The following DCBLD1 variants were observed in gnomAD, a reference collection of about 807,000 sequenced individuals.
DCBLD1 encodes the protein discoidin, CUB and LCCL domain-containing protein 1.
A neutral mutation model predicts 71.5 loss-of-function variants in DCBLD1; 57 were observed. The ratio of observed to expected loss-of-function variants is 0.80; its 90% CI spans 0.64 to 0.99. DCBLD1 has a LOEUF of 0.99. Among genes scored for constraint, DCBLD1 ranks in the 50% least tolerant of loss-of-function variants. The probability of loss-of-function intolerance (pLI) is 0.00; values close to 1 mark genes in which losing one functional copy is unlikely to be tolerated. For synonymous variants in DCBLD1, 380 were observed against 363.8 expected, an observed-to-expected ratio of 1.04 and a Z score of -0.51; for missense variants, 891 against 923.5, an observed-to-expected ratio of 0.96 and a Z score of 0.46.
At chr6:117,515,877 G>A (rs896737105) in intron 2 of DCBLD1, among the ~76,000 whole-genome samples, 25 of 152,224 alleles carry the variant, frequency 1.6e-4, no homozygotes, top group African/African-American at 5.3e-4. Context: ...CAAACTGTTT[G>A]TGGGAGGCTG....
intron 1 of DCBLD1, among the ~76,000 whole-genome samples, chr6:117,500,168 C>T (rs1373296741): frequency 6.6e-6 from 1 of 152,232 alleles, no homozygotes; most frequent in African/African-American, 2.4e-5. Context: ...ATCACCCAAA[C>T]TGTGGAAGCA....
Position 117,540,724 on chromosome 6 carries a change from C to A in DCBLD1, c.1158C>A (p.Pro386=), listed in dbSNP as rs753775682. The A allele has an allele frequency of 8.1e-6, 13 of 1,614,090 alleles. No individual in the cohort carries two copies. The Admixed American group carries it at 2.0e-4, about 25-fold the overall frequency. Residue 386 remains proline (P), a synonymous_variant, in exon 10 of 15, where the codon CCC becomes CCA. Transcript: ENST00000338728. ...CAGTGCAAAACAATTTCATCCCTCC[C>A]ATCGTGGCCAGATATGTGCGGGTTG... The part of the protein sequence containing the change: ...RDPVQNNFIP[P]IVARYVRVVP...
At chr6:117,563,052 C>T in intron 14 of DCBLD1, 1 of 530,394 alleles carries the variant, frequency 1.9e-6, no homozygotes, top group Non-Finnish European at 3.3e-6. Context: ...AATTGCTTTA[C>T]ATGCAATAGC....
At chr6:117,541,499 G>A (rs905738780) in intron 11 of DCBLD1, among the ~76,000 whole-genome samples, 8 of 151,900 alleles carry the variant, frequency 5.3e-5, no homozygotes, top group Non-Finnish European at 1.2e-4. Context: ...AACATAATGC[G>A]GCTTTCTGTG....
chr6:117,542,908 TG>T (rs892857358), intron 11 of DCBLD1, among the ~76,000 whole-genome samples: 10 of 152,144 alleles, frequency 6.6e-5, no homozygotes, highest in African/African-American at 2.4e-4. Flanking sequence ...AAACTGTCTC[TG>T]GGGGGCTGGG....
rs1057034674 is a variant in DCBLD1 at position 117,548,836 on chromosome 6, A to C, written c.*397A>C. On this transcript the variant is annotated 3_prime_UTR_variant, in exon 15 of 15. Coordinates refer to ENST00000338728, the MANE Select transcript of DCBLD1 (RefSeq NM_001366458.2). ...GCACAGAGGTTAAGTGGGAAAATGC[A>C]GCTGTTGCAAAATGTATATAAATAG... The C allele has an allele frequency of 2.3e-5, 24 of 1,054,024 alleles. No individual in the cohort carries two copies. Among genetic ancestry groups the C allele is most frequent in the Non-Finnish European group, 2.6e-5 (23 of 873,244 alleles). 65.3% of individuals were successfully genotyped at this position (1,054,024 alleles called of 1,614,324 possible). A position where few individuals can be genotyped will look rare whatever the true frequency, so the allele number is the denominator to read the frequency against.
intron 1 of DCBLD1, among the ~76,000 whole-genome samples, chr6:117,487,936 G>A (rs1357796902): frequency 6.6e-6 from 1 of 152,140 alleles, no homozygotes; most frequent in African/African-American, 2.4e-5. Flanking sequence ...CTGGGTGAGG[G>A]AGACTTAGTT....
chr6:117,525,034 A>G (rs924802033), intron 4 of DCBLD1, among the ~76,000 whole-genome samples: 1 of 152,120 alleles, frequency 6.6e-6, no homozygotes, highest in African/African-American at 2.4e-5. Context: ...TAGAAACAAG[A>G]TTATACTATA....
intron 2 of DCBLD1, among the ~76,000 whole-genome samples, chr6:117,512,877 T>C (rs1778069856): frequency 6.6e-6 from 1 of 152,078 alleles, no homozygotes; most frequent in African/African-American, 2.4e-5. Flanking sequence ...AGTATGGTAG[T>C]TAAAAAAAAA....
At chr6:117,566,288 TCA>T (rs1435208761) in intron 14 of DCBLD1, among the ~76,000 whole-genome samples, 1 of 152,148 alleles carries the variant, frequency 6.6e-6, no homozygotes, top group Non-Finnish European at 1.5e-5. Context: ...CTAAAATATC[TCA>T]GAGACCCTCA....
chr6:117,535,539 T>C (rs192130449), intron 6 of DCBLD1, among the ~76,000 whole-genome samples: 252 of 152,280 alleles, frequency 1.7e-3, no homozygotes, highest in African/African-American at 5.8e-3. Context: ...TGGAATGAAA[T>C]GGAAAAACAT....
downstream of DCBLD1, among the ~76,000 whole-genome samples, chr6:117,554,239 A>G (rs970606029): frequency 6.6e-6 from 1 of 152,320 alleles, no homozygotes; most frequent in African/African-American, 2.4e-5. Context: ...TTATGTGTAC[A>G]TTTAATTCTA....
At position 117,499,656 on chromosome 6, in the gene DCBLD1, A is replaced by G. The variant is rs574924610; in HGVS notation, c.113-4111A>G. On this transcript the variant is annotated intron_variant, in intron 1 of 14. Coordinates refer to ENST00000338728, the MANE Select transcript of DCBLD1 (RefSeq NM_001366458.2). ...TTACCTAGTTTCCCTCAATTATAAC[A>G]TCTTTGCAAACTACAATACCATATC... Among the ~76,000 whole-genome samples the G allele has an allele frequency of 2.1e-3, 326 of 152,282 alleles. 1 individual carries two copies. Among genetic ancestry groups the G allele is most frequent in the African/African-American group, 7.3e-3 (304 of 41,560 alleles).
At chr6:117,553,042 C>T (rs1353475192), downstream of DCBLD1, among the ~76,000 whole-genome samples, 1 of 152,302 alleles carries the variant, frequency 6.6e-6, no homozygotes, top group East Asian at 1.9e-4. Context: ...CTTGAGAATA[C>T]CATCTCTCCA....
chr6:117,530,062 A>G (rs1778664824), intron 5 of DCBLD1, among the ~76,000 whole-genome samples: 1 of 152,108 alleles, frequency 6.6e-6, no homozygotes, highest in Non-Finnish European at 1.5e-5. Flanking sequence ...TAGTATGAAG[A>G]CCGGGGATCC....
At chr6:117,549,915 A>C (rs1779397716), downstream of DCBLD1, 3 of 937,604 alleles carry the variant, frequency 3.2e-6, no homozygotes, top group Non-Finnish European at 3.8e-6. Flanking sequence ...GTGCCAGATT[A>C]GGCCAGACCC....
At chr6:117,522,147 T>G (rs546077241) in intron 4 of DCBLD1, among the ~76,000 whole-genome samples, 1 of 152,328 alleles carries the variant, frequency 6.6e-6, no homozygotes, top group African/African-American at 2.4e-5. Flanking sequence ...AAAAACTACT[T>G]AGTCACTTTG....
At chr6:117,494,486 A>AT (rs1777406045) in intron 1 of DCBLD1, among the ~76,000 whole-genome samples, 1 of 152,212 alleles carries the variant, frequency 6.6e-6, no homozygotes, top group African/African-American at 2.4e-5. Context: ...TCCTGACATT[A>AT]TTAACAAAGG....
At chr6:117,554,755 T>C (rs2114587613), downstream of DCBLD1, among the ~76,000 whole-genome samples, 1 of 151,694 alleles carries the variant, frequency 6.6e-6, no homozygotes, top group East Asian at 1.9e-4. Context: ...TGGCCGGGAG[T>C]GGTGGCTTGT....
Sources: allele counts gnomAD v4.1 joint callset (sites outside exome capture counted in the v4.1 genomes callset), GRCh38; gene constraint gnomAD v4.1.1; transcripts MANE v1.5; gene names NCBI Gene and HGNC (gene_info 2026-07-23, HGNC 2026-07-21).